The following KYNU variants were observed in gnomAD, a reference collection of about 807,000 sequenced individuals.
KYNU encodes kynureninase.
A neutral mutation model predicts 59.2 loss-of-function variants in KYNU; 54 were observed. That is an observed-to-expected ratio of 0.91 (90% CI 0.73 to 1.14). The LOEUF is 1.14. Ranked by LOEUF, KYNU falls within the 50% of genes most tolerant of loss-of-function variation. KYNU has a pLI of 0.00. For missense variants in KYNU, 567 were observed against 554.4 expected, an observed-to-expected ratio of 1.02 and a Z score of -0.23; for synonymous variants, 177 against 192.0, an observed-to-expected ratio of 0.92 and a Z score of 0.65.
rs965812383 is a variant in KYNU, at chr2:143,055,040, G to C, written c.*12868G>C. ...CTATATATATATACCAAGTACATAG[G>C]AGTGAAATAATACAAAATCTGGAAT... On this transcript the variant is annotated 3_prime_UTR_variant, in exon 14 of 14. Coordinates refer to ENST00000264170, the MANE Select transcript of KYNU (RefSeq NM_003937.3). 6.6e-6 allele frequency: 1 copy of C among 152,072 alleles called. No homozygotes were observed. The highest frequency in any genetic ancestry group is 2.4e-5 in the African/African-American group (1 of 41,388). 9.4% of individuals were successfully genotyped at this position (152,072 alleles called of 1,614,324 possible). A position where few individuals can be genotyped will look rare whatever the true frequency, so the allele number is the denominator to read the frequency against.
chr2:142,913,439 T>A (rs1682571328), intron 2 of KYNU, among the ~76,000 whole-genome samples: 1 of 152,314 alleles, frequency 6.6e-6, no homozygotes, highest in African/African-American at 2.4e-5. Context: ...TCTGCCTTAA[T>A]TTTATTGTTT....
chr2:142,929,618 T>A (rs1317244057), intron 4 of KYNU, among the ~76,000 whole-genome samples: 2 of 152,126 alleles, frequency 1.3e-5, no homozygotes, highest in Non-Finnish European at 2.9e-5. Flanking sequence ...TCTACACATG[T>A]GAAGTATCCA....
chr2:142,945,827 T>C (rs986329292), intron 4 of KYNU, among the ~76,000 whole-genome samples: 1 of 151,608 alleles, frequency 6.6e-6, no homozygotes, highest in Non-Finnish European at 1.5e-5. Context: ...AACCTCTGCC[T>C]CCCAGGTTCA....
At chr2:142,983,514 G>A (rs1374145177) in intron 8 of KYNU, among the ~76,000 whole-genome samples, 2 of 151,996 alleles carry the variant, frequency 1.3e-5, no homozygotes, top group African/African-American at 4.8e-5. Flanking sequence ...TTATAACAGT[G>A]TATATACTTG....
Position 143,052,754 on chromosome 2 carries a change from G to C in KYNU, c.*10582G>C, listed in dbSNP as rs1040345919. ...GCCCAGGCAGAAGTTTGCTGCAGGG[G>C]CAAGGCCCTCATGGAGAACCTCTGC... On this transcript the variant is annotated 3_prime_UTR_variant, in exon 14 of 14. Coordinates refer to ENST00000264170, the MANE Select transcript of KYNU (RefSeq NM_003937.3). 1.3e-5 allele frequency: 2 copies of C among 152,324 alleles called. No individual in the cohort carries two copies. Among genetic ancestry groups the C allele is most frequent in the Admixed American group, 6.5e-5 (1 of 15,290 alleles). 9.4% of individuals were successfully genotyped at this position (152,324 alleles called of 1,614,324 possible).
At chr2:142,995,717 T>A (rs1685519481) in intron 10 of KYNU, among the ~76,000 whole-genome samples, 1 of 152,074 alleles carries the variant, frequency 6.6e-6, no homozygotes, top group South Asian at 2.1e-4. Flanking sequence ...TTTCTCAGTT[T>A]TCAACACTTT....
In KYNU at chr2:142,944,510, A is replaced by G. The variant is rs183073909; in HGVS notation, c.374-10300A>G. Among the ~76,000 whole-genome samples, 309 of 152,338 alleles carry G rather than the reference A, an allele frequency of 2.0e-3. 2 individuals are homozygous for G. Among genetic ancestry groups the G allele is most frequent in the African/African-American group, 7.2e-3 (299 of 41,578 alleles). On this transcript the variant is annotated intron_variant, in intron 4 of 13. Transcript: ENST00000264170. Reference sequence around the variant, plus strand: ...ATTGCAGTGAGTCATAGATGATCTGATAAAGTAAAGATCCTTTCAAAACCT... The same window carrying G: ...ATTGCAGTGAGTCATAGATGATCTGGTAAAGTAAAGATCCTTTCAAAACCT...
intron 10 of KYNU, chr2:142,988,929 G>A: frequency 6.5e-7 from 1 of 1,534,814 alleles, no homozygotes; most frequent in Non-Finnish European, 9.0e-7. Context: ...TCACTTCATT[G>A]TCCCTGATAG....
At chr2:142,886,196 C>T (rs1016862550) in intron 2 of KYNU, among the ~76,000 whole-genome samples, 3 of 152,152 alleles carry the variant, frequency 2.0e-5, no homozygotes, top group South Asian at 4.1e-4. Context: ...CTCCATTTTA[C>T]ATTAATAAAA....
intron 8 of KYNU, among the ~76,000 whole-genome samples, chr2:142,968,164 A>G (rs1410395160): frequency 6.6e-6 from 1 of 152,158 alleles, no homozygotes; most frequent in Non-Finnish European, 1.5e-5. Context: ...TGGATCTTTT[A>G]TCAGTACATA....
At chr2:142,982,888 T>C (rs1387194907) in intron 8 of KYNU, among the ~76,000 whole-genome samples, 1 of 151,994 alleles carries the variant, frequency 6.6e-6, no homozygotes, top group East Asian at 1.9e-4. Context: ...CAAGCCTCCA[T>C]CTTGTGATCC....
At chr2:142,991,384 T>A (rs1341943258) in intron 10 of KYNU, among the ~76,000 whole-genome samples, 1 of 151,948 alleles carries the variant, frequency 6.6e-6, no homozygotes, top group African/African-American at 2.4e-5. Flanking sequence ...GATGTGTGAC[T>A]TCACAACACT....
At chr2:142,972,813 T>TATATATATATATAG (rs1478067181) in intron 8 of KYNU, among the ~76,000 whole-genome samples, 1 of 124,202 alleles carries the variant, frequency 8.1e-6, no homozygotes, top group African/African-American at 3.1e-5. Context: ...TATATATATA[T>TATATATATATATAG]AGAGAGAGAG....
In KYNU at chr2:142,972,807, T is replaced by G. The variant is rs547119953; in HGVS notation, c.729+12037T>G. Among the ~76,000 whole-genome samples, 843 of 138,294 alleles carry G rather than the reference T, an allele frequency of 6.1e-3. 8 individuals carry two copies. Among genetic ancestry groups the G allele is most frequent in the African/African-American group, 0.02 (733 of 36,794 alleles). 90.7% of individuals were successfully genotyped at this position (138,294 alleles called of 152,430 possible). On this transcript the variant is annotated intron_variant, in intron 8 of 13. Coordinates refer to ENST00000264170, the MANE Select transcript of KYNU (RefSeq NM_003937.3). Reference sequence around the variant, plus strand: ...GACAGAGGCCATATATATATATATATATATATAGAGAGAGAGAGAGAGAGA... The same window carrying G: ...GACAGAGGCCATATATATATATATAGATATATAGAGAGAGAGAGAGAGAGA...
At chr2:143,016,436 T>C (rs960174732) in intron 10 of KYNU, among the ~76,000 whole-genome samples, 6 of 152,254 alleles carry the variant, frequency 3.9e-5, no homozygotes, top group African/African-American at 1.4e-4. Flanking sequence ...GACATGAATT[T>C]TTTTAAATCA....
At chr2:142,931,085 G>T (rs1009735998) in intron 4 of KYNU, among the ~76,000 whole-genome samples, 10 of 152,148 alleles carry the variant, frequency 6.6e-5, no homozygotes, top group Admixed American at 3.3e-4. Flanking sequence ...CGTGTCTTCC[G>T]GCCAGGGTAG....
chr2:143,027,103 A>G (rs533335203), intron 10 of KYNU, among the ~76,000 whole-genome samples: 1 of 152,176 alleles, frequency 6.6e-6, no homozygotes, highest in East Asian at 1.9e-4. Context: ...ATTCCTGGGG[A>G]CCTACTCTTT....
At chr2:143,027,455 TTTTG>T (rs2104910246) in intron 10 of KYNU, among the ~76,000 whole-genome samples, 1 of 152,276 alleles carries the variant, frequency 6.6e-6, no homozygotes, top group Non-Finnish European at 1.5e-5. Context: ...ATTGAGGTGT[TTTTG>T]TTTGTTTTGT....
At chr2:142,972,805 T>TAGAGAG (rs200579092) in intron 8 of KYNU, among the ~76,000 whole-genome samples, 4 of 138,936 alleles carry the variant, frequency 2.9e-5, no homozygotes, top group African/African-American at 1.1e-4. Context: ...TATATATATA[T>TAGAGAG]ATATATATAG....
Sources: allele counts gnomAD v4.1 joint callset (sites outside exome capture counted in the v4.1 genomes callset), GRCh38; gene constraint gnomAD v4.1.1; transcripts MANE v1.5; gene names NCBI Gene and HGNC (gene_info 2026-07-23, HGNC 2026-07-21).